The following RPN2 variants were observed in gnomAD, a reference collection of about 807,000 sequenced individuals.
RPN2 encodes the protein dolichyl-diphosphooligosaccharide--protein glycosyltransferase subunit 2.
RPN2 carries 29 observed loss-of-function variants against 71.4 expected under a neutral mutation model. That is an observed-to-expected ratio of 0.41 (90% CI 0.30 to 0.55). The LOEUF (loss-of-function observed/expected upper bound fraction) is 0.55, where lower values mean the gene tolerates loss of function less well. Ranked by LOEUF, RPN2 falls within the 20% of genes least tolerant of loss-of-function variation. RPN2 has a pLI of 0.35. For missense variants in RPN2, 726 were observed against 774.1 expected (o/e 0.94, Z 0.74); for synonymous variants, 308 against 305.0 (o/e 1.01, Z -0.10).
At chr20:37,194,956 A>G (rs533954254) in intron 2 of RPN2, among the ~76,000 whole-genome samples, 1 of 152,246 alleles carries the variant, frequency 6.6e-6, no homozygotes, top group South Asian at 2.1e-4. Flanking sequence ...GGTCTTTTCT[A>G]TAGGCCTCCG....
intron 8 of RPN2, among the ~76,000 whole-genome samples, chr20:37,210,373 T>G (rs1430353367): frequency 2.0e-5 from 3 of 152,244 alleles, no homozygotes; most frequent in Non-Finnish European, 2.9e-5. Context: ...GGCTCTGTCT[T>G]GTCATTGTGA....
At chr20:37,238,383 AC>A (rs1318026926) in intron 16 of RPN2, 2 of 1,600,622 alleles carry the variant, frequency 1.2e-6, no homozygotes, top group Non-Finnish European at 1.7e-6. Flanking sequence ...TGATTCTCAA[AC>A]CCTCTTTCCT....
chr20:37,223,135 G>A lies in RPN2; in HGVS notation c.1093-743G>A, dbSNP rs1385825943. ...AGAGGAAAAGAGAGAATCACACATT[G>A]ATTCTTAAAGCTTTCACTTCTGCCC... On this transcript the variant is annotated intron_variant, in intron 9 of 16. Transcript: ENST00000237530. Among the ~76,000 whole-genome samples the A allele has an allele frequency of 2.6e-5, 4 of 152,326 alleles. No homozygotes were observed. The East Asian group carries it at 7.7e-4, about 29-fold the overall frequency.
At chr20:37,189,071 C>CT (rs1320226274) in intron 2 of RPN2, among the ~76,000 whole-genome samples, 5 of 152,084 alleles carry the variant, frequency 3.3e-5, no homozygotes, top group Non-Finnish European at 5.9e-5. Flanking sequence ...GTAGCTGGGA[C>CT]TACAGGCATT....
chr20:37,227,208 TC>T (rs1396750557), intron 11 of RPN2, among the ~76,000 whole-genome samples: 1 of 152,160 alleles, frequency 6.6e-6, no homozygotes, highest in African/African-American at 2.4e-5. Context: ...CCCAGCTTCT[TC>T]CCAGAATGAC....
intron 5 of RPN2, among the ~76,000 whole-genome samples, 172 bp from the exon 6 acceptor site, chr20:37,204,595 T>C (rs978699937): frequency 7.9e-5 from 12 of 152,240 alleles, no homozygotes; most frequent in African/African-American, 2.7e-4. Context: ...CTGTTTGATA[T>C]ACTTTACTCT....
chr20:37,206,835 A>C (rs1386698855), intron 6 of RPN2, among the ~76,000 whole-genome samples: 4 of 151,956 alleles, frequency 2.6e-5, no homozygotes, highest in African/African-American at 9.7e-5. Context: ...CAGCCTCTTG[A>C]GTAGATGGGA....
chr20:37,238,455 G>A, intron 16 of RPN2: 1 of 1,598,594 alleles, frequency 6.3e-7, no homozygotes, highest in South Asian at 1.1e-5. Context: ...CTACGGTAAA[G>A]ATGAAGGGCG....
chr20:37,201,281 C>CTT (rs373838278), intron 4 of RPN2, among the ~76,000 whole-genome samples: 2,961 of 105,058 alleles, frequency 0.028, 296 homozygotes, highest in African/African-American at 0.092. Flanking sequence ...AGGTCATAAG[C>CTT]TTTTTTTTTT....
chr20:37,236,379 GCCTGGCCACACA>G (rs1293430780), intron 15 of RPN2, among the ~76,000 whole-genome samples, 189 bp from the exon 16 acceptor site: 2 of 152,188 alleles, frequency 1.3e-5, no homozygotes, highest in East Asian at 1.9e-4. Context: ...GAGCCACTGT[GCCTGGCCACACA>G]CTTGGCCACA....
intron 6 of RPN2, among the ~76,000 whole-genome samples, chr20:37,206,529 A>G (rs2067512501): frequency 6.6e-6 from 1 of 152,192 alleles, no homozygotes. Flanking sequence ...TTTTTGGGAA[A>G]CATTGATAAT....
intron 12 of RPN2, 93 bp downstream of exon 12, chr20:37,228,837 G>A (rs370689073): frequency 5.1e-5 from 61 of 1,205,988 alleles, no homozygotes; most frequent in Non-Finnish European, 6.8e-5. Context: ...CTTCACCTTC[G>A]CCTTGCCTGT....
At chr20:37,215,732 C>T (rs1479476931) in intron 9 of RPN2, among the ~76,000 whole-genome samples, 1 of 152,142 alleles carries the variant, frequency 6.6e-6, no homozygotes, top group Non-Finnish European at 1.5e-5. Flanking sequence ...GCTCTATTCT[C>T]CATATTCGTA....
At chr20:37,191,476 CA>C (rs558882789) in intron 2 of RPN2, among the ~76,000 whole-genome samples, 3 of 151,108 alleles carry the variant, frequency 2.0e-5, no homozygotes, top group Non-Finnish European at 4.4e-5. Flanking sequence ...GACCCTGTCT[CA>C]AAAAAAAGGC....
chr20:37,199,573 G>T (rs2067334351), intron 4 of RPN2, among the ~76,000 whole-genome samples: 1 of 152,186 alleles, frequency 6.6e-6, no homozygotes, highest in South Asian at 2.1e-4. Context: ...ATGTCTTGTT[G>T]AGGCTTGGCT....
At chr20:37,201,541 T>C (rs11908607) in intron 4 of RPN2, among the ~76,000 whole-genome samples, 124,488 of 152,062 alleles carry the variant, frequency 0.82, 51,656 homozygotes, top group Middle Eastern at 0.93. Flanking sequence ...TGTGTTTCTG[T>C]TGTCTTGTAG....
At chr20:37,204,155 C>T (rs1046689558) in intron 5 of RPN2, among the ~76,000 whole-genome samples, 195 bp downstream of exon 5, 1 of 152,188 alleles carries the variant, frequency 6.6e-6, no homozygotes, top group African/African-American at 2.4e-5. Context: ...GTCCTCAGGA[C>T]GTGGTGACTG....
At chr20:37,179,906 T>TTAAC (rs1451890606) in intron 1 of RPN2, among the ~76,000 whole-genome samples, 4 of 152,236 alleles carry the variant, frequency 2.6e-5, no homozygotes, top group Non-Finnish European at 5.9e-5. Context: ...AGCAGGTTAC[T>TTAAC]TAACCCCTCT....
At chr20:37,203,411 C>T (rs1348080413) in intron 4 of RPN2, among the ~76,000 whole-genome samples, 5 of 145,186 alleles carry the variant, frequency 3.4e-5, no homozygotes, top group East Asian at 2.1e-4. Flanking sequence ...CTCTATTGCT[C>T]AGGCTGGAGT....
Sources: gnomAD v4.1 joint callset for allele counts (sites outside exome capture counted in the v4.1 genomes callset) on GRCh38, gnomAD v4.1.1 for gene constraint, MANE v1.5 for transcripts, NCBI Gene and HGNC (gene_info 2026-07-23, HGNC 2026-07-21) for gene names.